BFSP1: variants seen among roughly 807,000 people sequenced by gnomAD.
BFSP1 encodes beaded filament structural protein 1, also known as filensin.
In BFSP1, 38 loss-of-function variants were observed where a neutral mutation model predicts 43.9. That is an observed-to-expected ratio of 0.87 (90% confidence interval 0.67 to 1.14). The LOEUF (loss-of-function observed/expected upper bound fraction) is 1.14, where lower values mean the gene tolerates loss of function less well. Among genes scored for constraint, BFSP1 ranks in the 50% most tolerant of loss-of-function variants. BFSP1 has a pLI of 0.00. For synonymous variants in BFSP1, 352 were observed against 354.8 expected (o/e 0.99, Z 0.09); for missense variants, 850 against 875.1 (o/e 0.97, Z 0.36).
At chr20:17,530,869 T>C in intron 1 of BFSP1, 84 bp downstream of exon 1, 1 of 1,292,446 alleles carries the variant, frequency 7.7e-7, no homozygotes, top group South Asian at 2.2e-5. Flanking sequence ...GCTCCACCCC[T>C]GCATGGTAGC....
At chr20:17,545,270 G>A (rs565742722) in intron 1 of BFSP1, among the ~76,000 whole-genome samples, 22 of 152,288 alleles carry the variant, frequency 1.4e-4, no homozygotes, top group Middle Eastern at 3.4e-3. Context: ...TGGGCTGGAC[G>A]AAGCACAGGA....
chr20:17,560,655 A>T (rs1022429495), upstream of BFSP1: 2 of 152,234 alleles, frequency 1.3e-5, no homozygotes, highest in Non-Finnish European at 2.9e-5. Flanking sequence ...ACCTGCATGC[A>T]CTGGTATCAC....
chr20:17,514,950 G>GTCTGAGATTATGCAT, intron 2 of BFSP1, 134 bp from the exon 3 acceptor site: 1 of 743,598 alleles, frequency 1.3e-6, no homozygotes, highest in Non-Finnish European at 2.3e-6. Flanking sequence ...TCTGGGAGGG[G>GTCTGAGATTATGCAT]TCTGAGATTA....
At chr20:17,523,118 C>A (rs1379596410) in intron 2 of BFSP1, among the ~76,000 whole-genome samples, 1 of 152,170 alleles carries the variant, frequency 6.6e-6, no homozygotes, top group Non-Finnish European at 1.5e-5. Context: ...GTGTATTATG[C>A]GATGCCTTTT....
chr20:17,517,140 G>A lies in BFSP1; in HGVS notation c.439-2324C>T, dbSNP rs2034216930. The A allele has an allele frequency of 7.5e-6, 6 of 800,014 alleles. No individual in the cohort carries two copies. In the Middle Eastern group the frequency reaches 1.0e-3, roughly 138 times the overall value. 49.6% of individuals were successfully genotyped at this position (800,014 alleles called of 1,614,324 possible). The stretch of plus-strand genomic sequence containing the variant: ...GCACAAGAGGAAGAAGATTAAGCTG[G>A]CTGTCCTGAAATACTATAAGGTAGA... On this transcript the variant is annotated intron_variant, in intron 2 of 7. Coordinates refer to ENST00000377873, the MANE Select transcript of BFSP1 (RefSeq NM_001195.5).
intron 2 of BFSP1, among the ~76,000 whole-genome samples, chr20:17,522,134 C>A (rs1238342150): frequency 6.6e-6 from 1 of 152,172 alleles, no homozygotes; most frequent in African/African-American, 2.4e-5. Context: ...GCCGAGAACT[C>A]TCTGGCTTCG....
At chr20:17,519,416 G>A (rs2034271599) in intron 2 of BFSP1, among the ~76,000 whole-genome samples, 2 of 152,212 alleles carry the variant, frequency 1.3e-5, no homozygotes, top group Admixed American at 1.3e-4. Flanking sequence ...GATGCAACAT[G>A]AGGGCTCTGC....
upstream of BFSP1, among the ~76,000 whole-genome samples, chr20:17,535,814 T>C (rs1329690950): frequency 2.0e-5 from 3 of 152,224 alleles, no homozygotes; most frequent in Non-Finnish European, 4.4e-5. Context: ...CTTTATGTTA[T>C]AGCTATATAT....
chr20:17,536,830 A>T (rs1014494081), intron 1 of BFSP1, among the ~76,000 whole-genome samples: 1 of 152,204 alleles, frequency 6.6e-6, no homozygotes, highest in Non-Finnish European at 1.5e-5. Flanking sequence ...GAACAGGTCA[A>T]TCTGTTTTCT....
chr20:17,496,960 G>A lies in BFSP1; in HGVS notation c.1020C>T (p.Leu340=), dbSNP rs1463080219. Residue 340 remains leucine (L), a synonymous_variant, in exon 7 of 8, where the codon CTC becomes CTT. Transcript: ENST00000377873. ...TACCTTTCCCACCGGATCCAGTGCT[G>A]AGAGAGACTCCATGGCTCTGGGTGA... ...PLFTQSHGVS[L]STGSGGKDLT... is the part of the protein sequence containing the mutation. The A allele has an allele frequency of 9.1e-6, 14 of 1,544,118 alleles. No homozygotes were observed. Among genetic ancestry groups the A allele is most frequent in the Non-Finnish European group, 1.2e-5 (14 of 1,145,176 alleles).
rs76229436 is a variant in BFSP1, at chr20:17,539,726, G to A, written c.3-14818C>T. 4.9e-3 allele frequency among the ~76,000 whole-genome samples: 750 copies of A among 151,890 alleles called. 5 individuals carry two copies. The highest frequency in any genetic ancestry group is 0.017 in the Middle Eastern group (5 of 294). The stretch of plus-strand genomic sequence containing the variant: ...GGCTGCAGTGAGCCATGATTGTGTC[G>A]CTGCACTCCAGCATGGGCCACAGAG... On this transcript the variant is annotated intron_variant, in intron 1 of 7. Transcript: ENST00000377868.
intron 5 of BFSP1, among the ~76,000 whole-genome samples, chr20:17,503,591 T>C (rs1908106653): frequency 6.6e-6 from 1 of 152,210 alleles, no homozygotes; most frequent in Admixed American, 6.5e-5. Flanking sequence ...TGGGGCACAC[T>C]GGCAAAGTGG....
chr20:17,526,156 GGGGGC>G, intron 1 of BFSP1, among the ~76,000 whole-genome samples: 1 of 86,976 alleles, frequency 1.1e-5, no homozygotes, highest in African/African-American at 4.2e-5. Flanking sequence ...GGGGGGGGGG[GGGGGC>G]TGGTAAAATA....
intron 5 of BFSP1, among the ~76,000 whole-genome samples, chr20:17,504,970 C>T (rs2033899605): frequency 6.7e-6 from 1 of 149,586 alleles, no homozygotes; most frequent in South Asian, 2.1e-4. Flanking sequence ...AAACTCATTA[C>T]ATACTGTCTT....
intron 1 of BFSP1, among the ~76,000 whole-genome samples, chr20:17,567,489 G>C (rs902392424): frequency 6.6e-6 from 1 of 151,972 alleles, no homozygotes; most frequent in Admixed American, 6.6e-5. Context: ...CATCTCCTGG[G>C]GCCATCTAAG....
rs1266260915 is a variant in BFSP1, at chr20:17,498,920, C to G, written c.856G>C (p.Glu286Gln). 6.2e-7 allele frequency: 1 copy of G among 1,614,180 alleles called. No homozygotes were observed. The highest frequency in any genetic ancestry group is 1.1e-5 in the South Asian group (1 of 91,082). The change falls in exon 6 of 8, where the codon GAG becomes CAG. Residue 286 changes from glutamate (E) to glutamine (Q), a missense_variant. Glu to Gln is a conservative substitution (Grantham distance 29). Transcript: ENST00000377873. Reference protein sequence around the residue: ...KEIEETERVLEKSSYDCRQLA... With the variant: ...KEIEETERVLQKSSYDCRQLA... ...TGCCGGCAGTCGTAAGAAGACTTCT[C>G]CAGGACCCGCTCTGTCTCCTCAATC...
At chr20:17,524,277 C>G (rs2034375262) in intron 2 of BFSP1, among the ~76,000 whole-genome samples, 1 of 152,154 alleles carries the variant, frequency 6.6e-6, no homozygotes, top group Non-Finnish European at 1.5e-5. Context: ...TGAAGAATCC[C>G]AAGAAGGAAA....
Position 17,507,271 on chromosome 20 carries a change from A to AGG in BFSP1, c.735+1616_735+1617dup, listed in dbSNP as rs1491236682. On this transcript the variant is annotated intron_variant, in intron 5 of 7. Transcript: ENST00000377873. The surrounding 1 kb of genome is among the most constrained non-coding windows in gnomAD (Gnocchi z 4.4). ...TGCGAGCCATACACATCAGATAGGT[A>AGG]GGTGTGTGTGTGTGTGTGTGTGTGT... Among the ~76,000 whole-genome samples the AGG allele has an allele frequency of 5.8e-4, 73 of 126,342 alleles. No individual in the cohort carries two copies. The highest frequency in any genetic ancestry group is 2.1e-3 in the African/African-American group (52 of 25,056). The allele number at this position is 126,342 out of a possible 152,430, so 82.9% of individuals were successfully genotyped here.
upstream of BFSP1, among the ~76,000 whole-genome samples, chr20:17,559,145 A>G (rs891044796): frequency 6.6e-6 from 1 of 152,168 alleles, no homozygotes; most frequent in African/African-American, 2.4e-5. Context: ...TGTGTCAATC[A>G]GCTCCCTTTG....
Sources: gnomAD v4.1 joint callset for allele counts (sites outside exome capture counted in the v4.1 genomes callset) on GRCh38, gnomAD v4.1.1 for gene constraint, Gnocchi (gnomAD v3.1) non-coding constraint, MANE v1.5 for transcripts, NCBI Gene and HGNC (gene_info 2026-07-23, HGNC 2026-07-21) for gene names.